SHANK2: variants seen among roughly 807,000 people sequenced by gnomAD.
The protein encoded by SHANK2 is SH3 and multiple ankyrin repeat domains 2.
In SHANK2, 43 loss-of-function variants were observed where a neutral mutation model predicts 133.7. That is an observed-to-expected ratio of 0.32 (90% CI 0.25 to 0.41). SHANK2 has a LOEUF of 0.41. Among genes scored for constraint, SHANK2 ranks in the 10% least tolerant of loss-of-function variants. SHANK2 has a pLI of 1.00. For synonymous variants in SHANK2, 1,017 were observed against 952.8 expected, an observed-to-expected ratio of 1.07 and a Z score of -1.24; for missense variants, 1,994 against 2,235.8, an observed-to-expected ratio of 0.89 and a Z score of 2.18.
At position 70,486,164 on chromosome 11, in the gene SHANK2, C is replaced by T. The variant is rs782040394; in HGVS notation, c.4129G>A (p.Ala1377Thr). ...ACCGCCTCTTCCATGGAGCCCACCG[C>T]GACGATGGTTCTGCCGGGCACGGTG... ...PTTVPGRTIV[A>T]VGSMEEAVIL... The change falls in exon 25 of 26, where the codon GCG becomes ACG. Residue 1377 changes from alanine (A) to threonine (T), a missense_variant. Physicochemically the swap from Ala to Thr is moderately conservative, Grantham distance 58. Around this residue, in one of 5 missense-constraint regions of SHANK2, gnomAD observed 797 missense variants for 907.4 expected, o/e 0.88. Coordinates refer to ENST00000601538, the MANE Select transcript of SHANK2 (RefSeq NM_012309.5). This position sits in a 1 kb window ranked among gnomAD's most constrained non-coding sequence, Gnocchi z 8.0. 1.2e-5 allele frequency: 20 copies of T among 1,613,648 alleles called. No individual in the cohort carries two copies. The highest frequency in any genetic ancestry group is 1.5e-5 in the Non-Finnish European group (18 of 1,179,822).
chr11:70,748,716 G>C (rs1318261933), intron 14 of SHANK2, among the ~76,000 whole-genome samples: 1 of 152,148 alleles, frequency 6.6e-6, no homozygotes, highest in African/African-American at 2.4e-5. Context: ...CTAGAAGAAG[G>C]ACATTGTTTA....
chr11:71,076,258 G>C (rs1166662791), intron 8 of SHANK2, among the ~76,000 whole-genome samples: 1 of 152,158 alleles, frequency 6.6e-6, no homozygotes, highest in Non-Finnish European at 1.5e-5. Flanking sequence ...GGTCGGGAGG[G>C]AAAGAGGTGA....
At chr11:71,164,855 C>G (rs1184706975) in intron 2 of SHANK2, among the ~76,000 whole-genome samples, 1 of 152,154 alleles carries the variant, frequency 6.6e-6, no homozygotes, top group Non-Finnish European at 1.5e-5. Flanking sequence ...AGGGCACTTT[C>G]CAGTCACCTG....
chr11:71,069,199 C>A (rs1951109506), intron 9 of SHANK2, among the ~76,000 whole-genome samples: 1 of 151,828 alleles, frequency 6.6e-6, no homozygotes, highest in Admixed American at 6.6e-5. Context: ...TATCAACCAC[C>A]ATCATCACCA....
chr11:70,922,130 G>T (rs1410258043), intron 10 of SHANK2, among the ~76,000 whole-genome samples: 1 of 152,168 alleles, frequency 6.6e-6, no homozygotes, highest in Non-Finnish European at 1.5e-5. Flanking sequence ...AAAATCCAAC[G>T]TCTACAATTA....
chr11:71,228,339 A>G (rs911144138), intron 1 of SHANK2, among the ~76,000 whole-genome samples: 1 of 152,250 alleles, frequency 6.6e-6, no homozygotes, highest in African/African-American at 2.4e-5. Flanking sequence ...TGAAATGCTT[A>G]AAGAATAATT....
At chr11:71,238,177 G>C (rs1555123971) in intron 1 of SHANK2, among the ~76,000 whole-genome samples, 2 of 152,234 alleles carry the variant, frequency 1.3e-5, no homozygotes, top group African/African-American at 4.8e-5. Flanking sequence ...GCTCTGCAGA[G>C]AACAGGTGGA....
chr11:71,149,547 C>G (rs1435515966), intron 2 of SHANK2, among the ~76,000 whole-genome samples: 2 of 124,362 alleles, frequency 1.6e-5, no homozygotes, highest in East Asian at 4.4e-4. Flanking sequence ...TATGTGTTCA[C>G]AAACCATTTT....
chr11:70,729,296 G>A (rs1374886001), intron 14 of SHANK2, among the ~76,000 whole-genome samples: 7 of 150,996 alleles, frequency 4.6e-5, no homozygotes, highest in Non-Finnish European at 8.8e-5. Flanking sequence ...AATGAAGCCA[G>A]ACACCAAGGG....
At position 70,487,856 on chromosome 11, in the gene SHANK2, A is replaced by G. The variant is rs2058834534; in HGVS notation, c.2573-136T>C. On this transcript the variant is annotated intron_variant, in intron 24 of 25. Transcript: ENST00000601538. This position sits in a 1 kb window ranked among gnomAD's most constrained non-coding sequence, Gnocchi z 5.8. Reference sequence around the variant, plus strand: ...CCGGATGTTCAGGAAACACAGCACAAGCCACGATGCCGAGTGGTTAGTCAC... The same window carrying G: ...CCGGATGTTCAGGAAACACAGCACAGGCCACGATGCCGAGTGGTTAGTCAC... 6.6e-7 allele frequency: 1 copy of G among 1,515,590 alleles called. No individual in the cohort carries two copies. Among genetic ancestry groups the G allele is most frequent in the Non-Finnish European group, 8.9e-7 (1 of 1,122,000 alleles). 93.9% of individuals were successfully genotyped at this position (1,515,590 alleles called of 1,614,324 possible). A position where few individuals can be genotyped will look rare whatever the true frequency, so the allele number is the denominator to read the frequency against.
chr11:70,556,138 T>A (rs1373548742), intron 17 of SHANK2, among the ~76,000 whole-genome samples: 1 of 152,254 alleles, frequency 6.6e-6, no homozygotes, highest in Non-Finnish European at 1.5e-5. Flanking sequence ...GGTTAGCTTC[T>A]TTTGCTTAAT....
chr11:70,842,750 G>A (rs1460657106), intron 11 of SHANK2, among the ~76,000 whole-genome samples: 1 of 152,204 alleles, frequency 6.6e-6, no homozygotes, highest in Non-Finnish European at 1.5e-5. Context: ...AGACACTGCT[G>A]GAGGCTCCCA....
At chr11:70,848,861 C>T (rs1555064532) in intron 11 of SHANK2, among the ~76,000 whole-genome samples, 2 of 152,148 alleles carry the variant, frequency 1.3e-5, no homozygotes, top group East Asian at 1.9e-4. Flanking sequence ...AAGCCTGATG[C>T]CAGCTTGTTT....
chr11:70,477,584 C>T (rs2058679343), intron 25 of SHANK2: 1 of 152,198 alleles, frequency 6.6e-6, no homozygotes, highest in Admixed American at 6.5e-5. Context: ...GGTGCCTGAA[C>T]TGTCTTTCCT....
intron 14 of SHANK2, among the ~76,000 whole-genome samples, chr11:70,736,757 G>A (rs1190734541): frequency 3.9e-5 from 6 of 151,914 alleles, no homozygotes; most frequent in Non-Finnish European, 7.4e-5. Context: ...TCCCCGCCAC[G>A]CACCCCAACA....
At chr11:71,127,527 A>G (rs1485849020) in intron 3 of SHANK2, among the ~76,000 whole-genome samples, 1 of 152,098 alleles carries the variant, frequency 6.6e-6, no homozygotes, top group Non-Finnish European at 1.5e-5. Context: ...AGCAACCACC[A>G]CTCTGATCAG....
At chr11:71,153,472 A>G (rs556436262) in intron 2 of SHANK2, among the ~76,000 whole-genome samples, 1 of 152,296 alleles carries the variant, frequency 6.6e-6, no homozygotes, top group East Asian at 1.9e-4. Flanking sequence ...GAAAACCTAA[A>G]ATCTTCAACT....
chr11:70,943,474 C>A (rs937795230), intron 10 of SHANK2, among the ~76,000 whole-genome samples: 1 of 152,080 alleles, frequency 6.6e-6, no homozygotes. Flanking sequence ...CCAGGAGGAA[C>A]CAGGAGCTTT....
chr11:70,774,672 T>C (rs1947324867), intron 14 of SHANK2, among the ~76,000 whole-genome samples: 1 of 152,060 alleles, frequency 6.6e-6, no homozygotes, highest in South Asian at 2.1e-4. Context: ...TGCTCTGAGA[T>C]TAGAGAGTGG....
Sources: allele counts gnomAD v4.1 joint callset (sites outside exome capture counted in the v4.1 genomes callset), GRCh38; gene constraint gnomAD v4.1.1; regional missense constraint gnomAD v4.1.1; non-coding constraint Gnocchi (gnomAD v3.1); transcripts MANE v1.5; gene names NCBI Gene and HGNC (gene_info 2026-07-23, HGNC 2026-07-21).